The following SETDB2 variants were observed in gnomAD, a reference collection of about 807,000 sequenced individuals.
SETDB2 encodes the protein histone-lysine N-methyltransferase SETDB2.
Under a neutral mutation model 82.5 loss-of-function variants are expected in SETDB2, and 56 were observed. The ratio of observed to expected loss-of-function variants is 0.68; its 90% confidence interval spans 0.55 to 0.85. The LOEUF (loss-of-function observed/expected upper bound fraction) is 0.85. Among genes scored for constraint, SETDB2 ranks in the 40% least tolerant of loss-of-function variants. The pLI is 0.00. For synonymous variants in SETDB2, 272 were observed against 284.9 expected, an observed-to-expected ratio of 0.95 and a Z score of 0.46; for missense variants, 677 against 816.4, an observed-to-expected ratio of 0.83 and a Z score of 2.08.
At chr13:49,453,339 C>T (rs549603628) in intron 2 of SETDB2, among the ~76,000 whole-genome samples, 2 of 151,630 alleles carry the variant, frequency 1.3e-5, no homozygotes, top group South Asian at 4.2e-4. Context: ...CTCTGTTGCC[C>T]AGGTTCATGT....
At chr13:49,486,881 C>G (rs572862946) in intron 11 of SETDB2, among the ~76,000 whole-genome samples, 3 of 152,154 alleles carry the variant, frequency 2.0e-5, no homozygotes, top group African/African-American at 7.2e-5. Flanking sequence ...TCTCTTCCCC[C>G]CTGCAACCGC....
At position 49,483,565 on chromosome 13, in the gene SETDB2, T is replaced by TA. The variant is rs765487231; in HGVS notation, c.1482+8dup. ...TTTCAACACAATGGGAAAAAAATGG[T>TA]AAAAAATGCAAAATGTAGTTGGGAC... On this transcript the variant is annotated splice_region_variant and intron_variant, in intron 10 of 13. Coordinates refer to ENST00000611815, the MANE Select transcript of SETDB2 (RefSeq NM_001160308.3). The TA allele has an allele frequency of 1.4e-5, 19 of 1,345,322 alleles. No homozygotes were observed. Among genetic ancestry groups the TA allele is most frequent in the Non-Finnish European group, 1.8e-5 (18 of 985,506 alleles). The allele number at this position is 1,345,322 out of a possible 1,614,324, so 83.3% of individuals were successfully genotyped here. A position where few individuals can be genotyped will look rare whatever the true frequency, so the allele number is the denominator to read the frequency against.
rs373879400 is a variant in SETDB2 at position 49,488,569 on chromosome 13, A to G, written c.1856A>G (p.Asn619Ser). Residue 619 changes from asparagine (N) to serine (S), a missense_variant, in exon 12 of 14, where the codon AAT becomes AGT. Physicochemically the swap from Asn to Ser is conservative, Grantham distance 46. Coordinates refer to ENST00000611815, the MANE Select transcript of SETDB2 (RefSeq NM_001160308.3). ...TCATCTGATTCTCTAACAAAGTTCA[A>G]TAAAGGGAATGTGTTTTTATTGGAT... is the stretch of plus-strand genomic sequence containing the variant. ...NTSSDSLTKF[N>S]KGNVFLLDAT... is the part of the protein sequence containing the mutation. 34 of 1,611,788 alleles carry G rather than the reference A, an allele frequency of 2.1e-5. No homozygotes were observed. The highest frequency in any genetic ancestry group is 2.4e-5 in the Non-Finnish European group (28 of 1,179,344).
chr13:49,447,904 G>T (rs1033978960), intron 1 of SETDB2, among the ~76,000 whole-genome samples: 1 of 151,292 alleles, frequency 6.6e-6, no homozygotes. Context: ...GTTTGTATAT[G>T]ATAAAAATTA....
In SETDB2 at chr13:49,476,816, G is replaced by A. The variant is rs1958374716; in HGVS notation, c.646G>A (p.Val216Ile). The change falls in exon 6 of 14, where the codon GTT becomes ATT. Residue 216 changes from valine to isoleucine, a missense_variant. This residue lies in a region of SETDB2 where 243 missense variants were observed against 237.2 expected (regional missense o/e 1.02). Transcript: ENST00000611815. ...AGATAACTTTTCTTTCAATACCTAT[G>A]TTCAGTTGGCTCGGAATTACCCAAA... Reference protein sequence around the residue: ...FTDNFSFNTYVQLARNYPKQK... With the variant: ...FTDNFSFNTYIQLARNYPKQK... The A allele has an allele frequency of 1.9e-6, 3 of 1,613,890 alleles. No individual in the cohort carries two copies. The highest frequency in any genetic ancestry group is 2.5e-6 in the Non-Finnish European group (3 of 1,179,980).
intron 2 of SETDB2, 62 bp from the exon 3 acceptor site, chr13:49,460,045 T>C: frequency 6.6e-7 from 1 of 1,518,684 alleles, no homozygotes; most frequent in South Asian, 1.2e-5. Context: ...TATAACATGT[T>C]CTTAGATAAA....
intron 1 of SETDB2, among the ~76,000 whole-genome samples, chr13:49,446,778 A>G (rs1957699007): frequency 6.6e-6 from 1 of 152,160 alleles, no homozygotes; most frequent in South Asian, 2.1e-4. Flanking sequence ...TTTTATTGCC[A>G]TTCTCTGAGA....
At chr13:49,482,396 C>A in intron 8 of SETDB2, 1 of 835,646 alleles carries the variant, frequency 1.2e-6, no homozygotes, top group Non-Finnish European at 1.4e-6. Context: ...TTTAACTAGA[C>A]ATAAAAGCTA....
intron 1 of SETDB2, among the ~76,000 whole-genome samples, chr13:49,450,631 G>A (rs1957767388): frequency 6.6e-6 from 1 of 152,054 alleles, no homozygotes; most frequent in Non-Finnish European, 1.5e-5. Flanking sequence ...CCTTTCCCCA[G>A]AAGGGCCTTA....
intron 3 of SETDB2, among the ~76,000 whole-genome samples, chr13:49,460,704 T>C (rs1378679350): frequency 6.6e-6 from 1 of 152,208 alleles, no homozygotes; most frequent in Non-Finnish European, 1.5e-5. Context: ...GACTTGAAGA[T>C]GAAATCCTCC....
At chr13:49,455,112 T>C (rs1957858503) in intron 2 of SETDB2, among the ~76,000 whole-genome samples, 1 of 152,200 alleles carries the variant, frequency 6.6e-6, no homozygotes, top group Non-Finnish European at 1.5e-5. Context: ...CTTACCTTGT[T>C]AGAAATATCT....
Position 49,444,290 on chromosome 13 carries a change from C to G in SETDB2, c.-909C>G. On this transcript the variant is annotated 5_prime_UTR_variant, in exon 1 of 14. Coordinates refer to ENST00000611815, the MANE Select transcript of SETDB2 (RefSeq NM_001160308.3). ...GTCCCCGGCGGAGGTTACGCCTTCC[C>G]TCATCCCCGGTAGAGGCAGGGCGGG... 3.1e-6 allele frequency: 1 copy of G among 327,704 alleles called. No homozygotes were observed. The highest frequency in any genetic ancestry group is 6.0e-6 in the Non-Finnish European group (1 of 165,598). 20.3% of individuals were successfully genotyped at this position (327,704 alleles called of 1,614,324 possible). A position where few individuals can be genotyped will look rare whatever the true frequency, so the allele number is the denominator to read the frequency against.
In SETDB2 at chr13:49,486,414, T is replaced by C. The variant is rs563314960; in HGVS notation, c.1576+691T>C. Among the ~76,000 whole-genome samples, 7 of 152,330 alleles carry C rather than the reference T, an allele frequency of 4.6e-5. No individual in the cohort carries two copies. The East Asian group carries it at 1.3e-3, about 29-fold the overall frequency. ...AATAATCACAACAGAGACCACCACATGGCCAGCAAAGCCTGAAATATTTGC... is the reference window on the plus strand; with the variant it reads ...AATAATCACAACAGAGACCACCACACGGCCAGCAAAGCCTGAAATATTTGC... On this transcript the variant is annotated intron_variant, in intron 11 of 13. Transcript: ENST00000611815.
rs1958750730 is a variant in SETDB2, at chr13:49,493,504, AT to A, written c.*1657del. On this transcript the variant is annotated 3_prime_UTR_variant, in exon 14 of 14. Transcript: ENST00000611815. ...ATCATCTTCCATCAGTACCCCAGAG[AT>A]TCACTTTGTCTCTTATGTGGGATCT... 1 of 152,156 alleles carries A rather than the reference AT, an allele frequency of 6.6e-6. No individual in the cohort carries two copies. The highest frequency in any genetic ancestry group is 1.5e-5 in the Non-Finnish European group (1 of 68,034). The allele number at this position is 152,156 out of a possible 1,614,324, so 9.4% of individuals were successfully genotyped here. A position where few individuals can be genotyped will look rare whatever the true frequency, so the allele number is the denominator to read the frequency against.
intron 13 of SETDB2, among the ~76,000 whole-genome samples, chr13:49,491,489 G>A (rs895725543): frequency 3.9e-5 from 6 of 152,288 alleles, no homozygotes; most frequent in Admixed American, 1.3e-4. Context: ...GGGTCCCACT[G>A]TTGGCAAAAT....
chr13:49,468,554 C>T (rs1040248603), intron 5 of SETDB2, among the ~76,000 whole-genome samples: 1 of 144,994 alleles, frequency 6.9e-6, no homozygotes, highest in African/African-American at 2.6e-5. Context: ...TCTGAAAGTT[C>T]TCTAGAGTAG....
At chr13:49,490,785 G>C (rs776777164) in intron 12 of SETDB2, 37 bp from the exon 13 acceptor site, 8 of 1,483,982 alleles carry the variant, frequency 5.4e-6, no homozygotes, top group Non-Finnish European at 5.6e-6. Context: ...CAGACTTTAT[G>C]CTATTTCTAA....
chr13:49,485,554 C>G (rs1489297444), intron 10 of SETDB2, 76 bp from the exon 11 acceptor site: 1 of 1,121,066 alleles, frequency 8.9e-7, no homozygotes, highest in East Asian at 2.3e-5. Context: ...ATGATTGACA[C>G]TTGATGAAAG....
At chr13:49,475,780 A>T (rs1594164372) in intron 5 of SETDB2, among the ~76,000 whole-genome samples, 1 of 150,610 alleles carries the variant, frequency 6.6e-6, no homozygotes, top group African/African-American at 2.4e-5. Flanking sequence ...GAGCCATCAC[A>T]CCCTGCCGAC....
Sources: gnomAD v4.1 joint callset for allele counts (sites outside exome capture counted in the v4.1 genomes callset) on GRCh38, gnomAD v4.1.1 for gene constraint, gnomAD v4.1.1 regional missense constraint, MANE v1.5 for transcripts, NCBI Gene and HGNC (gene_info 2026-07-23, HGNC 2026-07-21) for gene names.